Variants in CCDC178 observed in about 807,000 individuals in gnomAD.
CCDC178 encodes coiled-coil domain-containing protein 178.
In CCDC178, 126 loss-of-function variants were observed where a neutral mutation model predicts 117.4. The ratio of observed to expected loss-of-function variants is 1.07; its 90% CI spans 0.93 to 1.24. The LOEUF is 1.24. CCDC178 is among the 50% of genes most tolerant of loss of function. The probability of loss-of-function intolerance (pLI) is 0.00; values close to 1 mark genes in which losing one functional copy is unlikely to be tolerated. For synonymous variants in CCDC178, 283 were observed against 313.4 expected, an observed-to-expected ratio of 0.90 and a Z score of 1.02; for missense variants, 1,030 against 986.9, an observed-to-expected ratio of 1.04 and a Z score of -0.59.
rs188197601 is a variant in CCDC178, at chr18:32,961,813, T to C, written c.2523+12734A>G. Among the ~76,000 whole-genome samples, 3 of 152,218 alleles carry C rather than the reference T, an allele frequency of 2.0e-5. No individual in the cohort carries two copies. In the East Asian group the frequency reaches 5.8e-4, roughly 29 times the overall value. The stretch of plus-strand genomic sequence containing the variant: ...TTCTACTGTGCAGCCCAGTTCCTAA[T>C]AGGCCATGGACTTGTACCTGTCTGC... On this transcript the variant is annotated intron_variant, in intron 22 of 22. Coordinates refer to ENST00000383096, the MANE Select transcript of CCDC178 (RefSeq NM_001105528.4).
At chr18:33,345,361 C>T (rs767383144) in intron 9 of CCDC178, among the ~76,000 whole-genome samples, 6 of 152,074 alleles carry the variant, frequency 3.9e-5, no homozygotes, top group Non-Finnish European at 8.8e-5. Flanking sequence ...TTCTTTAATC[C>T]TTCACCATAG....
At chr18:33,299,326 A>C (rs1432640260) in intron 11 of CCDC178, among the ~76,000 whole-genome samples, 3 of 152,154 alleles carry the variant, frequency 2.0e-5, no homozygotes, top group East Asian at 1.9e-4. Flanking sequence ...ATTTTTGACA[A>C]AGACAGAAAG....
intron 21 of CCDC178, among the ~76,000 whole-genome samples, chr18:33,069,766 T>G (rs1180180113): frequency 6.6e-6 from 1 of 152,032 alleles, no homozygotes; most frequent in African/African-American, 2.4e-5. Flanking sequence ...AGAAAATGTT[T>G]GCAAACTATC....
At chr18:33,178,886 C>T (rs949764982) in intron 20 of CCDC178, among the ~76,000 whole-genome samples, 2 of 150,670 alleles carry the variant, frequency 1.3e-5, no homozygotes, top group African/African-American at 2.4e-5. Context: ...ACATTTATCA[C>T]CCTGTACTTT....
chr18:33,438,125 A>C (rs993916577), intron 2 of CCDC178, among the ~76,000 whole-genome samples: 1 of 152,164 alleles, frequency 6.6e-6, no homozygotes, highest in African/African-American at 2.4e-5. Context: ...CATAACTTCC[A>C]CAGTGATCAG....
intron 18 of CCDC178, among the ~76,000 whole-genome samples, chr18:33,220,218 A>G (rs552492030): frequency 4.6e-5 from 7 of 152,188 alleles, no homozygotes; most frequent in East Asian, 1.9e-4. Context: ...AGAAAAGGCA[A>G]TGGGGGTAAG....
chr18:33,136,104 TGGGA>T (rs1289896604), intron 20 of CCDC178: 1 of 152,190 alleles, frequency 6.6e-6, no homozygotes, highest in Non-Finnish European at 1.5e-5. Context: ...CCAGCCTCCG[TGGGA>T]CCTTGAGCAG....
intron 20 of CCDC178, among the ~76,000 whole-genome samples, chr18:33,164,965 T>C (rs1359365113): frequency 2.0e-5 from 3 of 152,206 alleles, no homozygotes; most frequent in Non-Finnish European, 4.4e-5. Context: ...TATTAGTTTG[T>C]GGAGTTATGC....
At chr18:33,186,271 T>C (rs1371200315) in intron 20 of CCDC178, among the ~76,000 whole-genome samples, 1 of 152,008 alleles carries the variant, frequency 6.6e-6, no homozygotes, top group Non-Finnish European at 1.5e-5. Context: ...CTGCCTTACA[T>C]GAGTAAAAGA....
intron 21 of CCDC178, among the ~76,000 whole-genome samples, chr18:33,017,078 A>T (rs540205117): frequency 1.4e-4 from 22 of 151,928 alleles, no homozygotes; most frequent in African/African-American, 2.7e-4. Context: ...CAACTATTCA[A>T]CATTTTACTA....
intron 20 of CCDC178, among the ~76,000 whole-genome samples, chr18:33,135,188 A>G (rs1261538044): frequency 2.6e-5 from 4 of 152,144 alleles, no homozygotes; most frequent in Admixed American, 2.6e-4. Flanking sequence ...AATAATAAAA[A>G]GAGCACCTTG....
chr18:33,245,582 A>C (rs2059540654), intron 14 of CCDC178, among the ~76,000 whole-genome samples, 154 bp from the exon 15 acceptor site: 1 of 151,876 alleles, frequency 6.6e-6, no homozygotes, highest in African/African-American at 2.4e-5. Flanking sequence ...CATGTGTCCT[A>C]GGACTCCATT....
chr18:33,118,420 A>G (rs1342722262), intron 20 of CCDC178, among the ~76,000 whole-genome samples: 2 of 152,018 alleles, frequency 1.3e-5, no homozygotes, highest in African/African-American at 4.8e-5. Flanking sequence ...ATCCCTACTG[A>G]TCCACTACCA....
chr18:33,126,098 G>A (rs1244971634), intron 20 of CCDC178, among the ~76,000 whole-genome samples: 1 of 152,162 alleles, frequency 6.6e-6, no homozygotes, highest in African/African-American at 2.4e-5. Context: ...AGGTGGACAG[G>A]AGACAAGTGT....
At chr18:33,086,969 GACACACACACACACACACAC>G (rs71949744) in intron 21 of CCDC178, among the ~76,000 whole-genome samples, 4 of 124,030 alleles carry the variant, frequency 3.2e-5, no homozygotes, top group Non-Finnish European at 6.8e-5. Flanking sequence ...GCTATTGGTT[GACACACACACACACACACAC>G]ACACACACAC....
At chr18:33,245,766 A>G (rs911348930) in intron 14 of CCDC178, among the ~76,000 whole-genome samples, 2 of 151,942 alleles carry the variant, frequency 1.3e-5, no homozygotes, top group African/African-American at 4.8e-5. Flanking sequence ...AGGTGTTTTT[A>G]CGAGAGAATA....
intron 9 of CCDC178, among the ~76,000 whole-genome samples, chr18:33,343,383 T>A (rs192551720): frequency 3.7e-4 from 57 of 152,346 alleles, no homozygotes; most frequent in African/African-American, 1.3e-3. Flanking sequence ...TATTTCTAGT[T>A]ATCTTTTTTG....
chr18:32,940,647 T>C (rs1184491215), intron 22 of CCDC178, among the ~76,000 whole-genome samples: 1 of 152,098 alleles, frequency 6.6e-6, no homozygotes, highest in Non-Finnish European at 1.5e-5. Flanking sequence ...TGCCCAATAG[T>C]TATTTTTCCC....
At chr18:33,116,060 C>T (rs1311019733) in intron 20 of CCDC178, among the ~76,000 whole-genome samples, 21 of 152,060 alleles carry the variant, frequency 1.4e-4, no homozygotes, top group Admixed American at 1.4e-3. Flanking sequence ...GGAATTGCCA[C>T]ACTGAGCTTA....
Sources: allele counts gnomAD v4.1 joint callset (sites outside exome capture counted in the v4.1 genomes callset), GRCh38; gene constraint gnomAD v4.1.1; transcripts MANE v1.5; gene names NCBI Gene and HGNC (gene_info 2026-07-23, HGNC 2026-07-21).